Variants in PPIL6 observed in about 807,000 individuals in gnomAD.
The protein encoded by PPIL6 is probable inactive peptidyl-prolyl cis-trans isomerase-like 6.
A neutral mutation model predicts 36.8 loss-of-function variants in PPIL6; 39 were observed. The observed-to-expected ratio is 1.06, with a 90% CI of 0.82 to 1.38. The LOEUF is 1.38. Ranked by LOEUF, PPIL6 falls within the 40% of genes most tolerant of loss-of-function variation. PPIL6 has a pLI of 0.00. For synonymous variants in PPIL6, 123 were observed against 134.1 expected (o/e 0.92, Z 0.57); for missense variants, 368 against 379.1 (o/e 0.97, Z 0.24).
chr6:109,435,217 A>G (rs1035036578), intron 2 of PPIL6, among the ~76,000 whole-genome samples: 12 of 151,876 alleles, frequency 7.9e-5, no homozygotes. Context: ...AGGGTAACTA[A>G]CCATCATCAG....
At chr6:109,412,539 C>CA (rs1773059769) in intron 6 of PPIL6, among the ~76,000 whole-genome samples, 1 of 152,180 alleles carries the variant, frequency 6.6e-6, no homozygotes, top group African/African-American at 2.4e-5. Context: ...GGCATAAAAA[C>CA]AGACACATAG....
upstream of PPIL6, chr6:109,441,033 G>A (rs1048203): frequency 0.33 from 451,113 of 1,357,256 alleles, 75,955 homozygotes; most frequent in East Asian, 0.4. Context: ...GGAACGGTCT[G>A]GGGAGAAGGC....
At chr6:109,417,250 C>T (rs528050987) in intron 6 of PPIL6, among the ~76,000 whole-genome samples, 4 of 151,794 alleles carry the variant, frequency 2.6e-5, no homozygotes, top group African/African-American at 9.7e-5. Flanking sequence ...GGTATAGCTG[C>T]AGTGGCAGCT....
At chr6:109,396,026 G>A (rs980575222) in intron 7 of PPIL6, among the ~76,000 whole-genome samples, 1 of 151,900 alleles carries the variant, frequency 6.6e-6, no homozygotes, top group African/African-American at 2.4e-5. Flanking sequence ...TAGTAGAGAT[G>A]AGGTTTCACC....
chr6:109,422,212 A>T (rs1271992938), intron 5 of PPIL6, among the ~76,000 whole-genome samples: 2 of 152,094 alleles, frequency 1.3e-5, no homozygotes, highest in Non-Finnish European at 2.9e-5. Flanking sequence ...GCATGGTGGC[A>T]TGTGCCCGTA....
intron 3 of PPIL6, among the ~76,000 whole-genome samples, chr6:109,430,206 TAGGCACAGGCCGCCATGGGC>T (rs1370487042): frequency 2.6e-5 from 4 of 152,230 alleles, no homozygotes; most frequent in Non-Finnish European, 4.4e-5. Flanking sequence ...TGGCTCACTG[TAGGCACAGGCCGCCATGGGC>T]ATGAAATGAT....
intron 1 of PPIL6, among the ~76,000 whole-genome samples, chr6:109,437,612 C>T (rs140766766): frequency 0.011 from 1,432 of 136,264 alleles, 12 homozygotes; most frequent in Middle Eastern, 0.056. Flanking sequence ...TGGAGTGCAG[C>T]GGTGTGACCT....
intron 1 of PPIL6, among the ~76,000 whole-genome samples, chr6:109,437,714 C>A (rs1409413048): frequency 6.6e-6 from 1 of 152,058 alleles, no homozygotes; most frequent in Admixed American, 6.5e-5. Context: ...GCCACCACGC[C>A]CAGCTAATTT....
chr6:109,433,720 A>C (rs1280237567), intron 2 of PPIL6, among the ~76,000 whole-genome samples: 2 of 152,224 alleles, frequency 1.3e-5, no homozygotes, highest in Non-Finnish European at 2.9e-5. Context: ...ACTACTTATG[A>C]CACAAGACAC....
At chr6:109,421,018 G>C (rs1416242520) in intron 5 of PPIL6, among the ~76,000 whole-genome samples, 1 of 152,180 alleles carries the variant, frequency 6.6e-6, no homozygotes, top group Non-Finnish European at 1.5e-5. Context: ...AAATGGGGAA[G>C]CTGAGGGCCC....
At chr6:109,440,168 CG>C (rs1774728744) in intron 1 of PPIL6, 1 of 498,260 alleles carries the variant, frequency 2.0e-6, no homozygotes. Context: ...GTGTGTGTCT[CG>C]GAGGGGATTA....
chr6:109,440,197 G>T (rs1193948579), intron 1 of PPIL6: 1 of 568,874 alleles, frequency 1.8e-6, no homozygotes, highest in Non-Finnish European at 3.3e-6. Flanking sequence ...TCCCAGCGCG[G>T]TTCTGAACCC....
At position 109,426,911 on chromosome 6, in the gene PPIL6, T is replaced by TA. The variant is rs1773845294; in HGVS notation, c.566dup (p.Arg190LysfsTer30). On this transcript the variant is annotated frameshift_variant, in exon 5 of 8. Coordinates refer to ENST00000521072, the MANE Select transcript of PPIL6 (RefSeq NM_173672.5). LOFTEE classifies it high-confidence loss of function. The stretch of plus-strand genomic sequence containing the variant: ...AAATGGAATTTTTGTAATGTAGTCT[T>TA]ATGCCACGTTGAGAAAACCCTGCTT... 1 of 1,608,318 alleles carries TA rather than the reference T, an allele frequency of 6.2e-7. No individual in the cohort carries two copies. Among genetic ancestry groups the TA allele is most frequent in the Non-Finnish European group, 8.5e-7 (1 of 1,175,466 alleles).
intron 6 of PPIL6, among the ~76,000 whole-genome samples, chr6:109,414,477 C>CTTTTT (rs146541023): frequency 1.8e-4 from 16 of 86,542 alleles, no homozygotes; most frequent in East Asian, 3.3e-4. Flanking sequence ...TGTCTTTTAG[C>CTTTTT]TTTTTTTTTT....
At chr6:109,401,511 A>G (rs1014404888) in intron 6 of PPIL6, among the ~76,000 whole-genome samples, 2 of 152,176 alleles carry the variant, frequency 1.3e-5, no homozygotes, top group African/African-American at 2.4e-5. Context: ...TGATTAAGCC[A>G]TATCTGGGTA....
Position 109,440,581 on chromosome 6 carries a change from G to C in PPIL6, c.10C>G (p.Pro4Ala). MAR[P>A]QPCGPPHARC... is the part of the protein sequence containing the mutation. ...GCGTGCGGGGGCCCGCACGGCTGCG[G>C]CCTTGCCATGGCCGCGCCCGGGGAC... is the stretch of plus-strand genomic sequence containing the variant. The change falls in exon 1 of 8, where the codon CCG (proline) becomes GCG (alanine). Residue 4 changes from proline to alanine, a missense_variant. Physicochemically the swap from Pro to Ala is conservative, Grantham distance 27. Coordinates refer to ENST00000521072, the MANE Select transcript of PPIL6 (RefSeq NM_173672.5). 7.2e-7 allele frequency: 1 copy of C among 1,382,266 alleles called. No homozygotes were observed. The highest frequency in any genetic ancestry group is 9.3e-7 in the Non-Finnish European group (1 of 1,070,712). 85.6% of individuals were successfully genotyped at this position (1,382,266 alleles called of 1,614,324 possible).
chr6:109,436,626 C>A (rs1467056706), intron 1 of PPIL6, among the ~76,000 whole-genome samples: 1 of 152,114 alleles, frequency 6.6e-6, no homozygotes, highest in African/African-American at 2.4e-5. Flanking sequence ...GAGGCTGAGG[C>A]AAGAGAATCA....
intron 7 of PPIL6, among the ~76,000 whole-genome samples, chr6:109,395,315 G>A (rs745981493): frequency 6.6e-6 from 1 of 151,824 alleles, no homozygotes; most frequent in South Asian, 2.1e-4. Context: ...GCGGAGGCAT[G>A]AGAATTGCTT....
chr6:109,425,749 C>CAAAAA (rs34275471), intron 5 of PPIL6, among the ~76,000 whole-genome samples: 3 of 103,672 alleles, frequency 2.9e-5, no homozygotes, highest in Non-Finnish European at 4.0e-5. Flanking sequence ...GACTCCGTTT[C>CAAAAA]AAAAAAAAAA....
Sources: allele counts gnomAD v4.1 joint callset (sites outside exome capture counted in the v4.1 genomes callset), GRCh38; gene constraint gnomAD v4.1.1; transcripts MANE v1.5; gene names NCBI Gene and HGNC (gene_info 2026-07-23, HGNC 2026-07-21).